The following SVIL variants were observed in gnomAD, a reference collection of about 807,000 sequenced individuals.
SVIL encodes archvillin.
In SVIL, 101 loss-of-function variants were observed where a neutral mutation model predicts 240.4. The observed-to-expected ratio is 0.42, with a 90% CI of 0.36 to 0.50. SVIL has a LOEUF of 0.50. Among genes scored for constraint, SVIL ranks in the 20% least tolerant of loss-of-function variants. The pLI is 0.01. For missense variants in SVIL, 2,512 were observed against 2,818.7 expected (o/e 0.89, Z 2.46); for synonymous variants, 999 against 1,100.0 (o/e 0.91, Z 1.82).
At chr10:29,534,247 G>A (rs543959643) in intron 7 of SVIL, among the ~76,000 whole-genome samples, 15 of 152,318 alleles carry the variant, frequency 9.8e-5, no homozygotes, top group Non-Finnish European at 1.6e-4. Flanking sequence ...TCATGCCTGT[G>A]ATCACAACCT....
chr10:29,588,854 A>T (rs1211429729), intron 1 of SVIL, among the ~76,000 whole-genome samples: 1 of 152,210 alleles, frequency 6.6e-6, no homozygotes, highest in Non-Finnish European at 1.5e-5. Flanking sequence ...GTAGATTCAC[A>T]GAATGCTCAT....
intron 1 of SVIL, among the ~76,000 whole-genome samples, chr10:29,702,503 T>C (rs1589544583): frequency 6.6e-6 from 1 of 152,330 alleles, no homozygotes; most frequent in African/African-American, 2.4e-5. Flanking sequence ...CCCTGGATAC[T>C]GAGCAAAGCT....
intron 2 of SVIL, among the ~76,000 whole-genome samples, chr10:29,564,194 T>A (rs1954766070): frequency 6.6e-6 from 1 of 152,142 alleles, no homozygotes; most frequent in South Asian, 2.1e-4. Context: ...GAGGCACACA[T>A]GTCTGGCCGC....
At chr10:29,566,786 G>T (rs903179423) in intron 2 of SVIL, among the ~76,000 whole-genome samples, 2 of 152,104 alleles carry the variant, frequency 1.3e-5, no homozygotes, top group Non-Finnish European at 2.9e-5. Context: ...TAATGCACAT[G>T]ACCAGTGACC....
chr10:29,627,187 C>T (rs1304737604), intron 1 of SVIL, among the ~76,000 whole-genome samples: 1 of 151,216 alleles, frequency 6.6e-6, no homozygotes, highest in Non-Finnish European at 1.5e-5. Context: ...TCTTCTTTCT[C>T]AACACATTTC....
At chr10:29,587,398 C>T (rs1014921175) in intron 1 of SVIL, among the ~76,000 whole-genome samples, 9 of 152,232 alleles carry the variant, frequency 5.9e-5, no homozygotes, top group African/African-American at 1.4e-4. Context: ...TGCAGGTTGA[C>T]GGGTGGCTTA....
chr10:29,461,965 G>C (rs1887000), intron 36 of SVIL, among the ~76,000 whole-genome samples: 1 of 152,140 alleles, frequency 6.6e-6, no homozygotes, highest in East Asian at 1.9e-4. Context: ...CAAGCAACAG[G>C]TTCTTAGCAA....
chr10:29,675,040 T>A (rs1404888793), intron 2 of SVIL, among the ~76,000 whole-genome samples: 1 of 152,194 alleles, frequency 6.6e-6, no homozygotes, highest in East Asian at 1.9e-4. Flanking sequence ...GCCATATAAC[T>A]GAACATATTC....
chr10:29,502,645 T>A (rs1411935587), intron 17 of SVIL, among the ~76,000 whole-genome samples: 1 of 151,826 alleles, frequency 6.6e-6, no homozygotes, highest in Admixed American at 6.6e-5. Flanking sequence ...GGAAGAGAAA[T>A]TGAGTATTTG....
chr10:29,729,588 C>A (rs1443347808), intron 1 of SVIL, among the ~76,000 whole-genome samples: 2 of 150,406 alleles, frequency 1.3e-5, no homozygotes, highest in African/African-American at 4.9e-5. Flanking sequence ...GTAATCCCAG[C>A]ACTTTGGGAG....
At chr10:29,538,487 A>G (rs1951896622) in intron 6 of SVIL, among the ~76,000 whole-genome samples, 1 of 152,254 alleles carries the variant, frequency 6.6e-6, no homozygotes, top group African/African-American at 2.4e-5. Context: ...TGTGGAAGTG[A>G]TAGGCATTCA....
chr10:29,703,994 T>C (rs1336446572), intron 1 of SVIL, among the ~76,000 whole-genome samples: 1 of 151,920 alleles, frequency 6.6e-6, no homozygotes, highest in Admixed American at 6.6e-5. Context: ...AGAGATGGGG[T>C]CTCTCCCTAT....
chr10:29,577,908 G>T (rs757099896), intron 1 of SVIL, among the ~76,000 whole-genome samples: 1 of 152,096 alleles, frequency 6.6e-6, no homozygotes, highest in Non-Finnish European at 1.5e-5. Flanking sequence ...ATCGATGAAA[G>T]AAATTATAGA....
chr10:29,600,761 T>C (rs2505898), intron 1 of SVIL, among the ~76,000 whole-genome samples: 63,799 of 152,036 alleles, frequency 0.42, 14,304 homozygotes, highest in Non-Finnish European at 0.5. Flanking sequence ...AGAACAACAT[T>C]CAAACAAATC....
In SVIL at chr10:29,670,094, G is replaced by A. The variant is rs113824850; in HGVS notation, c.-300-12026C>T. On this transcript the variant is annotated intron_variant, in intron 2 of 35. Transcript: ENST00000375400. ...TGCACCACTGCACTCCAGCCTGGGA[G>A]ACAGGGTGAGACTCCATCTCAAAAA... Among the ~76,000 whole-genome samples the A allele has an allele frequency of 8.8e-3, 1,330 of 151,354 alleles. 21 individuals carry two copies. The highest frequency in any genetic ancestry group is 0.031 in the African/African-American group (1,283 of 41,134).
intron 16 of SVIL, among the ~76,000 whole-genome samples, chr10:29,521,928 A>G (rs1950583927): frequency 6.6e-6 from 1 of 152,194 alleles, no homozygotes; most frequent in African/African-American, 2.4e-5. Flanking sequence ...AAGAAACAAA[A>G]CTTGGATTCT....
upstream of SVIL, among the ~76,000 whole-genome samples, chr10:29,639,583 C>A (rs1958420964): frequency 6.6e-6 from 1 of 151,820 alleles, no homozygotes; most frequent in African/African-American, 2.4e-5. Context: ...ATTCTCCTAC[C>A]TCAGCCTCCC....
intron 1 of SVIL, among the ~76,000 whole-genome samples, chr10:29,594,124 C>T (rs1026361565): frequency 2.0e-4 from 30 of 152,106 alleles, no homozygotes; most frequent in Admixed American, 6.5e-5. Flanking sequence ...CTGTTTCATA[C>T]ACAAAACTAT....
chr10:29,613,525 T>G (rs1957327230), intron 1 of SVIL, among the ~76,000 whole-genome samples: 1 of 152,060 alleles, frequency 6.6e-6, no homozygotes, highest in African/African-American at 2.4e-5. Flanking sequence ...TTTGTAAAGA[T>G]GGAGGTCTCA....
Sources: gnomAD v4.1 joint callset for allele counts (sites outside exome capture counted in the v4.1 genomes callset) on GRCh38, gnomAD v4.1.1 for gene constraint, MANE v1.5 for transcripts, NCBI Gene and HGNC (gene_info 2026-07-23, HGNC 2026-07-21) for gene names.